The following SOX6 variants were observed in gnomAD, a reference collection of about 807,000 sequenced individuals.
SOX6 encodes the protein SRY-box transcription factor 6, also known as transcription factor SOX-6.
A neutral mutation model predicts 97.8 loss-of-function variants in SOX6; 11 were observed. The ratio of observed to expected loss-of-function variants is 0.11; its 90% CI spans 0.07 to 0.19. The LOEUF (loss-of-function observed/expected upper bound fraction) is 0.19. Ranked by LOEUF, SOX6 falls within the 10% of genes least tolerant of loss-of-function variation. The probability of loss-of-function intolerance (pLI) is 1.00; values close to 1 mark genes in which losing one functional copy is unlikely to be tolerated. For missense variants in SOX6, 810 were observed against 1,039.5 expected, an observed-to-expected ratio of 0.78 and a Z score of 3.04; for synonymous variants, 360 against 371.4, an observed-to-expected ratio of 0.97 and a Z score of 0.35.
intron 3 of SOX6, among the ~76,000 whole-genome samples, chr11:16,242,220 G>C (rs1853216655): frequency 6.6e-6 from 1 of 151,944 alleles, no homozygotes; most frequent in East Asian, 1.9e-4. Context: ...TATATTTACT[G>C]TAACTTTTCT....
At chr11:16,453,253 G>A (rs929678964) in intron 1 of SOX6, among the ~76,000 whole-genome samples, 1 of 152,030 alleles carries the variant, frequency 6.6e-6, no homozygotes, top group African/African-American at 2.4e-5. Flanking sequence ...GGGGGAAAAT[G>A]GGACTGTTAT....
At chr11:16,026,215 C>T (rs1224523871) in intron 12 of SOX6, among the ~76,000 whole-genome samples, 1 of 152,152 alleles carries the variant, frequency 6.6e-6, no homozygotes, top group East Asian at 1.9e-4. Context: ...TCTCTAAGAT[C>T]TATACTGCAG....
At chr11:16,008,584 A>G (rs1228039309) in intron 13 of SOX6, among the ~76,000 whole-genome samples, 1 of 152,048 alleles carries the variant, frequency 6.6e-6, no homozygotes, top group African/African-American at 2.4e-5. Context: ...GGAGTTATAC[A>G]AGAATCTTGA....
At chr11:16,305,449 A>G (rs1388331471) in intron 3 of SOX6, among the ~76,000 whole-genome samples, 7 of 152,252 alleles carry the variant, frequency 4.6e-5, no homozygotes, top group Non-Finnish European at 8.8e-5. Context: ...TCACTCATAC[A>G]TTGTGGGTGG....
chr11:16,525,060 G>C (rs1474610052), intron 4 of SOX6, among the ~76,000 whole-genome samples: 1 of 152,230 alleles, frequency 6.6e-6, no homozygotes, highest in East Asian at 1.9e-4. Context: ...TACTGCCCAA[G>C]GTAATTTATA....
intron 6 of SOX6, among the ~76,000 whole-genome samples, chr11:16,117,683 T>C (rs1241420822): frequency 6.6e-6 from 1 of 152,168 alleles, no homozygotes; most frequent in Non-Finnish European, 1.5e-5. Flanking sequence ...AGTTGTGTAT[T>C]AAAGTCACTG....
At chr11:16,490,061 G>A (rs1283538188) in intron 4 of SOX6, among the ~76,000 whole-genome samples, 2 of 152,074 alleles carry the variant, frequency 1.3e-5, no homozygotes, top group East Asian at 3.9e-4. Context: ...AGTAATAAGT[G>A]TTCAATAATT....
intron 2 of SOX6, among the ~76,000 whole-genome samples, chr11:16,334,523 G>A (rs1445054639): frequency 1.3e-5 from 2 of 151,920 alleles, no homozygotes; most frequent in East Asian, 3.9e-4. Flanking sequence ...CATCTCCCAG[G>A]TTCAAGCGAT....
chr11:16,396,729 A>G (rs570948546), intron 1 of SOX6, among the ~76,000 whole-genome samples: 11 of 151,634 alleles, frequency 7.3e-5, no homozygotes, highest in Non-Finnish European at 1.5e-4. Flanking sequence ...TGTAATATGA[A>G]GTAATTTATG....
intron 4 of SOX6, among the ~76,000 whole-genome samples, chr11:16,534,799 C>T (rs1198607364): frequency 1.3e-5 from 2 of 152,266 alleles, no homozygotes; most frequent in Non-Finnish European, 1.5e-5. Context: ...AAGCAAGAGA[C>T]ATTTAGAAAA....
chr11:16,625,162 C>T (rs1158099781), intron 3 of SOX6, among the ~76,000 whole-genome samples: 4 of 152,198 alleles, frequency 2.6e-5, no homozygotes, highest in African/African-American at 7.2e-5. Flanking sequence ...TCTTTTATCA[C>T]TAGTTTTCTA....
intron 1 of SOX6, among the ~76,000 whole-genome samples, chr11:16,381,784 C>CT (rs1199685243): frequency 6.6e-6 from 1 of 151,794 alleles, no homozygotes; most frequent in African/African-American, 2.4e-5. Context: ...CCCCCACTCC[C>CT]TCCCAAAACC....
At chr11:16,666,043 C>T (rs1847804858) in intron 3 of SOX6, among the ~76,000 whole-genome samples, 1 of 152,146 alleles carries the variant, frequency 6.6e-6, no homozygotes, top group Non-Finnish European at 1.5e-5. Flanking sequence ...AATCATAGCA[C>T]CCAAGTCCCT....
rs538437139 is a variant in SOX6, at chr11:16,225,928, G to A, written c.535+8654C>T. ...ATGCTTGTACTATTTGATGTATGCA[G>A]TTCCTAATTTTACTTCTTTTAGTAA... On this transcript the variant is annotated intron_variant, in intron 4 of 15. Transcript: ENST00000683767. Among the ~76,000 whole-genome samples, 327 of 152,290 alleles carry A rather than the reference G, an allele frequency of 2.1e-3. 2 individuals carry two copies. The highest frequency in any genetic ancestry group is 1.7e-3 in the Non-Finnish European group (117 of 68,018).
chr11:16,201,190 C>T (rs573375999), intron 4 of SOX6, among the ~76,000 whole-genome samples: 1 of 151,484 alleles, frequency 6.6e-6, no homozygotes, highest in African/African-American at 2.4e-5. Flanking sequence ...CAACCTACGA[C>T]ATTTTAAATG....
At chr11:16,135,968 C>T (rs1378804848) in intron 6 of SOX6, among the ~76,000 whole-genome samples, 2 of 152,148 alleles carry the variant, frequency 1.3e-5, no homozygotes, top group African/African-American at 2.4e-5. Context: ...CAGCCAGCAG[C>T]CAAGACCCTC....
At chr11:16,498,076 G>A (rs555155361) in intron 4 of SOX6, among the ~76,000 whole-genome samples, 2 of 152,270 alleles carry the variant, frequency 1.3e-5, no homozygotes, top group South Asian at 4.1e-4. Flanking sequence ...AGAAAGGTCG[G>A]GTTACCCACA....
chr11:16,219,977 G>T (rs1252279475), intron 4 of SOX6, among the ~76,000 whole-genome samples: 1 of 151,954 alleles, frequency 6.6e-6, no homozygotes, highest in East Asian at 1.9e-4. Context: ...TATCACAAAT[G>T]TCCATTTTAA....
chr11:16,446,880 C>T (rs1859621355), intron 1 of SOX6, among the ~76,000 whole-genome samples: 1 of 150,968 alleles, frequency 6.6e-6, no homozygotes, highest in South Asian at 2.1e-4. Context: ...GTTTTCCTTC[C>T]TTCCTTTCTT....
Sources: allele counts gnomAD v4.1 joint callset (sites outside exome capture counted in the v4.1 genomes callset), GRCh38; gene constraint gnomAD v4.1.1; transcripts MANE v1.5; gene names NCBI Gene and HGNC (gene_info 2026-07-23, HGNC 2026-07-21).